Variants in IL1RAPL1 observed in about 807,000 individuals in gnomAD.
IL1RAPL1 encodes the protein interleukin-1 receptor accessory protein-like 1.
A neutral mutation model predicts 48.4 loss-of-function variants in IL1RAPL1; 3 were observed. The observed-to-expected ratio is 0.06, with a 90% CI of 0.03 to 0.16. IL1RAPL1 has a LOEUF of 0.16. Ranked by LOEUF, IL1RAPL1 falls within the 10% of genes least tolerant of loss-of-function variation. IL1RAPL1 has a pLI of 1.00. For missense variants in IL1RAPL1, 349 were observed against 530.6 expected (o/e 0.66, Z 3.36); for synonymous variants, 185 against 187.7 (o/e 0.99, Z 0.12).
chrX:28,824,507 T>A (rs1270459585), intron 2 of IL1RAPL1, among the ~76,000 whole-genome samples: 3 of 111,132 alleles, frequency 2.7e-5, no homozygotes, highest in Non-Finnish European at 3.8e-5. Flanking sequence ...ATTTTGTTAT[T>A]GTATCTGGCA....
At chrX:29,306,530 G>GAAAAAAAAAAAAA (rs1166748708) in intron 3 of IL1RAPL1, among the ~76,000 whole-genome samples, 2 of 33,448 alleles carry the variant, frequency 6.0e-5, no homozygotes, top group African/African-American at 1.4e-4. Flanking sequence ...TCTGTCAAAA[G>GAAAAAAAAAAAAA]AAAAAAAAAA....
At chrX:29,702,632 T>C (rs1205720769) in intron 6 of IL1RAPL1, among the ~76,000 whole-genome samples, 1 of 111,880 alleles carries the variant, frequency 8.9e-6, no homozygotes, top group Non-Finnish European at 1.9e-5. Context: ...TTCATTTGCG[T>C]GATCTTAGAC....
intron 2 of IL1RAPL1, among the ~76,000 whole-genome samples, chrX:29,066,619 C>T (rs925306956): frequency 9.0e-6 from 1 of 111,611 alleles, no homozygotes; most frequent in African/African-American, 3.3e-5. Context: ...AGCCTCTGGC[C>T]TTCTCAGCTT....
intron 5 of IL1RAPL1, among the ~76,000 whole-genome samples, chrX:29,467,370 C>T (rs1200958304): frequency 1.8e-5 from 2 of 112,590 alleles, no homozygotes; most frequent in African/African-American, 6.5e-5. Context: ...TGAAGAATCT[C>T]AGCTAATGGG....
rs915386055 is a variant in IL1RAPL1 at position 29,707,775 on chromosome X, G to A, written c.778+39271G>A. Among the ~76,000 whole-genome samples, 111 of 110,155 alleles carry A rather than the reference G, an allele frequency of 1.0e-3. 3 individuals are homozygous for A. Among genetic ancestry groups the A allele is most frequent in the Non-Finnish European group, 3.4e-4 (18 of 52,821 alleles). ...ATAAGAATGATACATTGGACTTTGG[G>A]GACTCGGAGAAAGGGTGGGGGTTGG... On this transcript the variant is annotated intron_variant, in intron 6 of 10. Transcript: ENST00000378993.
At chrX:29,497,805 C>T (rs918720240) in intron 5 of IL1RAPL1, among the ~76,000 whole-genome samples, 1 of 111,582 alleles carries the variant, frequency 9.0e-6, no homozygotes, top group Non-Finnish European at 1.9e-5. Flanking sequence ...TTCATGCTAT[C>T]TAAACTGCTA....
chrX:29,414,588 G>T (rs1032151081), intron 5 of IL1RAPL1, among the ~76,000 whole-genome samples: 2 of 111,109 alleles, frequency 1.8e-5, no homozygotes, highest in Non-Finnish European at 3.8e-5. Context: ...GGGCATGGTG[G>T]TGCATGTCTG....
At chrX:28,963,934 AT>A (rs1924853320) in intron 2 of IL1RAPL1, among the ~76,000 whole-genome samples, 3 of 111,363 alleles carry the variant, frequency 2.7e-5, no homozygotes, top group African/African-American at 9.8e-5. Flanking sequence ...TATATGTATC[AT>A]TCTACTCAAT....
intron 3 of IL1RAPL1, among the ~76,000 whole-genome samples, chrX:29,388,470 G>T (rs1414371654): frequency 4.5e-5 from 5 of 112,200 alleles, no homozygotes; most frequent in Admixed American, 2.8e-4. Context: ...TTAAATATTT[G>T]TTCATGCATG....
At chrX:29,476,269 T>C (rs1371238797) in intron 5 of IL1RAPL1, among the ~76,000 whole-genome samples, 2 of 111,916 alleles carry the variant, frequency 1.8e-5, no homozygotes, top group African/African-American at 6.5e-5. Flanking sequence ...CATGTAGAAT[T>C]ACAGGTTAGC....
At chrX:29,748,252 C>A (rs763859072) in intron 6 of IL1RAPL1, among the ~76,000 whole-genome samples, 1 of 111,952 alleles carries the variant, frequency 8.9e-6, no homozygotes, top group East Asian at 2.8e-4. Context: ...ACAGATCATT[C>A]AAAAAGCACA....
intron 2 of IL1RAPL1, among the ~76,000 whole-genome samples, chrX:29,032,793 A>G (rs1430592178): frequency 5.3e-5 from 6 of 112,613 alleles, no homozygotes; most frequent in African/African-American, 1.9e-4. Flanking sequence ...AAAGGCTTAG[A>G]GTCAAATTGA....
chrX:29,400,563 G>A (rs772430494), intron 5 of IL1RAPL1, among the ~76,000 whole-genome samples: 8 of 111,626 alleles, frequency 7.2e-5, no homozygotes, highest in African/African-American at 2.6e-4. Context: ...GATCATACTT[G>A]TAAAACTTAT....
intron 3 of IL1RAPL1, among the ~76,000 whole-genome samples, chrX:29,378,064 TA>T (rs1933646657): frequency 9.1e-6 from 1 of 110,085 alleles, no homozygotes; most frequent in Non-Finnish European, 1.9e-5. Flanking sequence ...TTTTTCATTT[TA>T]AAAATTATTA....
chrX:28,977,890 G>T (rs1336306322), intron 2 of IL1RAPL1, among the ~76,000 whole-genome samples: 2 of 111,957 alleles, frequency 1.8e-5, no homozygotes, highest in Non-Finnish European at 3.8e-5. Flanking sequence ...CAGGACCCGG[G>T]GGGTGGAGGT....
chrX:29,843,464 T>C (rs1428162854), intron 6 of IL1RAPL1, among the ~76,000 whole-genome samples: 1 of 112,075 alleles, frequency 8.9e-6, no homozygotes, highest in Non-Finnish European at 1.9e-5. Context: ...GATGGTTACA[T>C]TTTGTGATTA....
At chrX:29,803,292 T>C (rs1199406052) in intron 6 of IL1RAPL1, among the ~76,000 whole-genome samples, 4 of 30,125 alleles carry the variant, frequency 1.3e-4, no homozygotes, top group Admixed American at 5.7e-4. Context: ...CACATGTATA[T>C]ATGTATACAT....
chrX:28,854,000 G>A (rs1921740332), intron 2 of IL1RAPL1, among the ~76,000 whole-genome samples: 1 of 111,794 alleles, frequency 8.9e-6, no homozygotes, highest in African/African-American at 3.3e-5. Flanking sequence ...TGTGAAACAT[G>A]GAGGAACACT....
At chrX:28,932,590 T>C (rs1923912809) in intron 2 of IL1RAPL1, among the ~76,000 whole-genome samples, 1 of 111,224 alleles carries the variant, frequency 9.0e-6, no homozygotes, top group South Asian at 3.7e-4. Flanking sequence ...AACCTAGATA[T>C]AGAACAACTC....
Sources: allele counts gnomAD v4.1 joint callset (sites outside exome capture counted in the v4.1 genomes callset), GRCh38; gene constraint gnomAD v4.1.1; transcripts MANE v1.5; gene names NCBI Gene and HGNC (gene_info 2026-07-23, HGNC 2026-07-21).